EML2: variants seen among roughly 807,000 people sequenced by gnomAD.
EML2 encodes the protein EMAP like 2, also known as echinoderm microtubule-associated protein-like 2.
In EML2, 59 loss-of-function variants were observed where a neutral mutation model predicts 84.7. The observed-to-expected ratio is 0.70, with a 90% CI of 0.56 to 0.86. The LOEUF (loss-of-function observed/expected upper bound fraction) is 0.86. Ranked by LOEUF, EML2 falls within the 40% of genes least tolerant of loss-of-function variation. The pLI, the probability that EML2 is intolerant of heterozygous loss-of-function variation, is 0.00. For missense variants in EML2, 818 were observed against 855.6 expected, an observed-to-expected ratio of 0.96 and a Z score of 0.55; for synonymous variants, 352 against 348.9, an observed-to-expected ratio of 1.01 and a Z score of -0.10.
At position 45,609,630 on chromosome 19, in the gene EML2, C is replaced by T. The variant is rs374769566; in HGVS notation, c.*33G>A. 8.4e-6 allele frequency: 13 copies of T among 1,549,598 alleles called. No homozygotes were observed. Among genetic ancestry groups the T allele is most frequent in the African/African-American group, 4.2e-5 (3 of 72,148 alleles). Reference sequence around the variant, plus strand: ...ATAGACATCTCCCGAAAATAGAATTCCTGCCCTGACACCTGACTCTTCCCT... The same window carrying T: ...ATAGACATCTCCCGAAAATAGAATTTCTGCCCTGACACCTGACTCTTCCCT... On this transcript the variant is annotated 3_prime_UTR_variant, in exon 19 of 19. Transcript: ENST00000245925.
intron 9 of EML2, among the ~76,000 whole-genome samples, chr19:45,623,992 T>C (rs1191045233): frequency 2.6e-5 from 4 of 152,194 alleles, no homozygotes; most frequent in African/African-American, 9.7e-5. Flanking sequence ...CCTCAACCCA[T>C]TAGTTTGTTA....
intron 11 of EML2, 183 bp from the exon 12 acceptor site, chr19:45,619,374 T>A: frequency 1.5e-6 from 1 of 660,408 alleles, no homozygotes; most frequent in Non-Finnish European, 2.3e-6. Context: ...CATGCCCTGG[T>A]GTGTGACTCA....
intron 11 of EML2, chr19:45,620,960 G>T: frequency 1.6e-6 from 1 of 620,178 alleles, no homozygotes; most frequent in Non-Finnish European, 3.0e-6. Flanking sequence ...CCTGAAGGGT[G>T]CCACCCCCAA....
chr19:45,633,258 T>G (rs1973294243), intron 4 of EML2, 119 bp from the exon 5 acceptor site: 10 of 984,000 alleles, frequency 1.0e-5, no homozygotes, highest in Non-Finnish European at 9.5e-6. Context: ...GTGTATTTAG[T>G]GCATTAATAG....
chr19:45,627,719 A>G (rs1218081233), intron 7 of EML2, among the ~76,000 whole-genome samples: 1 of 152,098 alleles, frequency 6.6e-6, no homozygotes, highest in Non-Finnish European at 1.5e-5. Flanking sequence ...TTAATCCTCC[A>G]TCTCCCTGTG....
chr19:45,637,663 TTTTC>T (rs1188311317), intron 3 of EML2, among the ~76,000 whole-genome samples: 3 of 76,064 alleles, frequency 3.9e-5, no homozygotes, highest in Admixed American at 3.2e-4. Context: ...TTTCTTTTTC[TTTTC>T]TTTTTTTTTT....
At chr19:45,639,296 T>G in intron 1 of EML2, 61 bp downstream of exon 1, 323 of 1,329,454 alleles carry the variant, frequency 2.4e-4, no homozygotes, top group Non-Finnish European at 2.8e-4. Flanking sequence ...GGGTGAAACC[T>G]GAGATCTAAG....
upstream of EML2, chr19:45,640,285 C>T (rs761809129): frequency 6.6e-5 from 10 of 152,314 alleles, no homozygotes; most frequent in Non-Finnish European, 1.5e-4. Context: ...ATGGCGTGAT[C>T]ATGGCTCACT....
At chr19:45,611,813 T>C (rs1970531070) in intron 18 of EML2, among the ~76,000 whole-genome samples, 2 of 152,002 alleles carry the variant, frequency 1.3e-5, no homozygotes, top group Admixed American at 1.3e-4. Flanking sequence ...TTTTTAGGCA[T>C]GAATGCTCAA....
intron 3 of EML2, 104 bp downstream of exon 3, chr19:45,638,401 G>T (rs1600223984): frequency 4.5e-6 from 7 of 1,539,406 alleles, no homozygotes; most frequent in Non-Finnish European, 5.3e-6. Context: ...GGCCTCAAAC[G>T]ATCCTCCCAA....
At chr19:45,645,347 C>G, upstream of EML2, 1 of 1,530,436 alleles carries the variant, frequency 6.5e-7, no homozygotes, top group South Asian at 1.2e-5. Flanking sequence ...CATCGCCCCA[C>G]CACAGCCACC....
At position 45,626,721 on chromosome 19, in the gene EML2, C is replaced by T. The variant is rs140774886; in HGVS notation, c.725G>A (p.Arg242Gln). The T allele has an allele frequency of 3.0e-4, 479 of 1,613,498 alleles. No homozygotes were observed. Among genetic ancestry groups the T allele is most frequent in the Non-Finnish European group, 3.9e-4 (463 of 1,179,808 alleles). ...WTLEGGSLSK[R>Q]QGLFEKHEKP... Reference sequence around the variant, plus strand: ...GGCACTCACCTCAAAGAGGCCTTGCCGCTTGCTCAAGCTGCCCCCCTCCAA... The same window carrying T: ...GGCACTCACCTCAAAGAGGCCTTGCTGCTTGCTCAAGCTGCCCCCCTCCAA... Residue 242 changes from arginine to glutamine, a missense_variant, in exon 8 of 19, where the codon CGG becomes CAG. Transcript: ENST00000245925.
intron 9 of EML2, among the ~76,000 whole-genome samples, chr19:45,623,676 G>A (rs547284785): frequency 2.6e-5 from 4 of 151,692 alleles, no homozygotes; most frequent in African/African-American, 2.4e-5. Context: ...TCAGCCTCCC[G>A]ACTAGCTGGG....
At chr19:45,639,044 G>C in intron 1 of EML2, 171 bp from the exon 2 acceptor site, 1 of 866,836 alleles carries the variant, frequency 1.2e-6, no homozygotes, top group Non-Finnish European at 2.0e-6. Context: ...GGTTGATCTT[G>C]CAGAGCCTAA....
intron 15 of EML2, 21 bp downstream of exon 15, chr19:45,616,440 T>TG: frequency 6.4e-7 from 1 of 1,561,948 alleles, no homozygotes; most frequent in Non-Finnish European, 8.7e-7. Flanking sequence ...CGGCGCGGGC[T>TG]GGGGGCCACT....
In EML2 at chr19:45,611,344, G is replaced by C. The variant is rs556461509; in HGVS notation, c.1825-1556C>G. Among the ~76,000 whole-genome samples, 8 of 152,024 alleles carry C rather than the reference G, an allele frequency of 5.3e-5. No individual in the cohort carries two copies. In the East Asian group the frequency reaches 1.6e-3, roughly 30 times the overall value. ...GAGAATCGCTTGAACCCAGGAGGCG[G>C]AGGTTGCAGTGAGCCAAGATCGCGC... On this transcript the variant is annotated intron_variant, in intron 18 of 18. Coordinates refer to ENST00000245925, the MANE Select transcript of EML2 (RefSeq NM_012155.4).
At chr19:45,610,693 A>G (rs1970401746) in intron 18 of EML2, among the ~76,000 whole-genome samples, 1 of 151,634 alleles carries the variant, frequency 6.6e-6, no homozygotes, top group African/African-American at 2.4e-5. Flanking sequence ...CAAAAAAATT[A>G]GCCGGGCGTG....
At chr19:45,635,037 G>C (rs1973558995) in intron 3 of EML2, among the ~76,000 whole-genome samples, 2 of 151,776 alleles carry the variant, frequency 1.3e-5, no homozygotes, top group South Asian at 4.2e-4. Context: ...TTTTAATAGA[G>C]ATGGGATTTC....
chr19:45,643,777 G>A (rs994807637), upstream of EML2: 10 of 1,483,592 alleles, frequency 6.7e-6, no homozygotes, highest in Admixed American at 2.0e-4. Flanking sequence ...CGCCTGCCGA[G>A]GCTTGCCCGC....
Sources: allele counts gnomAD v4.1 joint callset (sites outside exome capture counted in the v4.1 genomes callset), GRCh38; gene constraint gnomAD v4.1.1; transcripts MANE v1.5; gene names NCBI Gene and HGNC (gene_info 2026-07-23, HGNC 2026-07-21).